The following MND1 variants were observed in gnomAD, a reference collection of about 807,000 sequenced individuals.
MND1 encodes meiotic nuclear division protein 1 homolog.
Under a neutral mutation model 35.1 loss-of-function variants are expected in MND1, and 28 were observed. The observed-to-expected ratio is 0.80, with a 90% CI of 0.59 to 1.09. The LOEUF (loss-of-function observed/expected upper bound fraction) is 1.09. Ranked by LOEUF, MND1 falls within the 50% of genes least tolerant of loss-of-function variation. The pLI is 0.00. For missense variants in MND1, 213 were observed against 239.6 expected (o/e 0.89, Z 0.73); for synonymous variants, 69 against 70.5 (o/e 0.98, Z 0.11).
At chr4:153,388,054 G>A (rs1286119795) in intron 4 of MND1, among the ~76,000 whole-genome samples, 1 of 152,058 alleles carries the variant, frequency 6.6e-6, no homozygotes, top group Non-Finnish European at 1.5e-5. Flanking sequence ...ATTATTCTGT[G>A]TCTTATGAAT....
chr4:153,386,535 G>A (rs920191667), intron 4 of MND1, among the ~76,000 whole-genome samples: 7 of 151,906 alleles, frequency 4.6e-5, no homozygotes, highest in African/African-American at 7.3e-5. Flanking sequence ...GACCAACATC[G>A]TGAAACCCTA....
intron 2 of MND1, among the ~76,000 whole-genome samples, chr4:153,354,785 A>G (rs538349400): frequency 1.3e-5 from 2 of 152,130 alleles, no homozygotes; most frequent in Admixed American, 6.5e-5. Context: ...TAGACAGGAG[A>G]CACCATGACT....
At chr4:153,350,758 A>G (rs1409775486) in intron 2 of MND1, among the ~76,000 whole-genome samples, 15 of 152,268 alleles carry the variant, frequency 9.9e-5, no homozygotes, top group Admixed American at 9.2e-4. Context: ...CTATGTCTTC[A>G]GGTTAAAGGC....
chr4:153,370,287 A>C (rs1050530438), intron 4 of MND1, among the ~76,000 whole-genome samples: 1 of 152,030 alleles, frequency 6.6e-6, no homozygotes, highest in Non-Finnish European at 1.5e-5. Flanking sequence ...ATCTCAAAAA[A>C]AGAAGCAATT....
intron 7 of MND1, chr4:153,409,222 T>C (rs886275074): frequency 3.9e-5 from 8 of 206,466 alleles, no homozygotes; most frequent in Non-Finnish European, 6.1e-5. Flanking sequence ...AAGCATAAGA[T>C]ATTTTTGTAA....
At chr4:153,400,401 CTTT>C (rs1337744235) in intron 6 of MND1, among the ~76,000 whole-genome samples, 1 of 151,910 alleles carries the variant, frequency 6.6e-6, no homozygotes, top group Non-Finnish European at 1.5e-5. Context: ...AGATTATCAT[CTTT>C]TTTGCAGGCA....
intron 2 of MND1, among the ~76,000 whole-genome samples, chr4:153,353,060 T>C (rs1488424504): frequency 6.6e-6 from 1 of 152,184 alleles, no homozygotes; most frequent in Non-Finnish European, 1.5e-5. Flanking sequence ...CATGTTCTTT[T>C]TCTAGGGAAT....
chr4:153,348,864 A>G (rs1056431714), intron 1 of MND1, among the ~76,000 whole-genome samples: 2 of 152,226 alleles, frequency 1.3e-5, no homozygotes, highest in Non-Finnish European at 2.9e-5. Flanking sequence ...TCCAGTATGT[A>G]GCCAGAATGG....
intron 2 of MND1, among the ~76,000 whole-genome samples, chr4:153,351,256 T>C (rs1378970142): frequency 6.6e-6 from 1 of 152,198 alleles, no homozygotes; most frequent in Non-Finnish European, 1.5e-5. Flanking sequence ...AATATAAAAA[T>C]TGGCTGTTTC....
chr4:153,350,587 A>G (rs1277588807), intron 2 of MND1, among the ~76,000 whole-genome samples: 1 of 152,188 alleles, frequency 6.6e-6, no homozygotes, highest in Non-Finnish European at 1.5e-5. Context: ...CACACAGTCG[A>G]TGGTACAGAG....
chr4:153,350,557 T>G (rs1183314316), intron 2 of MND1, among the ~76,000 whole-genome samples: 1 of 152,242 alleles, frequency 6.6e-6, no homozygotes, highest in Non-Finnish European at 1.5e-5. Context: ...CTTTGCATTT[T>G]AAGTCTGTCT....
At chr4:153,355,290 C>T (rs1365153329) in intron 2 of MND1, among the ~76,000 whole-genome samples, 1 of 152,114 alleles carries the variant, frequency 6.6e-6, no homozygotes, top group Non-Finnish European at 1.5e-5. Flanking sequence ...TTCTATTATA[C>T]TGTTCATTTC....
At chr4:153,371,418 C>T (rs1172724683) in intron 4 of MND1, among the ~76,000 whole-genome samples, 1 of 152,090 alleles carries the variant, frequency 6.6e-6, no homozygotes, top group East Asian at 1.9e-4. Context: ...TTTGTCTACC[C>T]TGAAAATTTT....
chr4:153,349,923 T>G, intron 1 of MND1, 141 bp from the exon 2 acceptor site: 1 of 567,190 alleles, frequency 1.8e-6, no homozygotes. Flanking sequence ...GTAATTAAAA[T>G]GAGTCTTTAG....
rs985205591 is a variant in MND1, at chr4:153,401,739, G to T, written c.466+4406G>T. Among the ~76,000 whole-genome samples the T allele has an allele frequency of 2.0e-5, 3 of 152,164 alleles. No individual in the cohort carries two copies. The East Asian group carries it at 5.8e-4, about 29-fold the overall frequency. On this transcript the variant is annotated intron_variant, in intron 6 of 7. Coordinates refer to ENST00000240488, the MANE Select transcript of MND1 (RefSeq NM_032117.4). Reference sequence around the variant, plus strand: ...ATTGCTCAGGCTTATCTCTAAGTCTGTCATGATTTATTCAGAGAACAATTT... The same window carrying T: ...ATTGCTCAGGCTTATCTCTAAGTCTTTCATGATTTATTCAGAGAACAATTT...
rs187182140 is a variant in MND1 at position 153,399,653 on chromosome 4, A to G, written c.466+2320A>G. 2.0e-3 allele frequency among the ~76,000 whole-genome samples: 303 copies of G among 152,316 alleles called. 2 individuals are homozygous for G. The Middle Eastern group carries it at 0.034, about 17-fold the overall frequency. Reference sequence around the variant, plus strand: ...AAACTTCAGAAAAGAAGTTCAGGGTATACAAAGGACGGTGAACTTTCTGGA... The same window carrying G: ...AAACTTCAGAAAAGAAGTTCAGGGTGTACAAAGGACGGTGAACTTTCTGGA... On this transcript the variant is annotated intron_variant, in intron 6 of 7. Coordinates refer to ENST00000240488, the MANE Select transcript of MND1 (RefSeq NM_032117.4).
intron 2 of MND1, among the ~76,000 whole-genome samples, chr4:153,353,256 C>A (rs991844887): frequency 6.6e-6 from 1 of 151,316 alleles, no homozygotes; most frequent in East Asian, 1.9e-4. Context: ...CCTAAATTTG[C>A]GAACTCTTAG....
At chr4:153,344,973 T>C (rs1326405023) in intron 1 of MND1, among the ~76,000 whole-genome samples, 1 of 152,060 alleles carries the variant, frequency 6.6e-6, no homozygotes, top group African/African-American at 2.4e-5. Context: ...CGCGGGGGCA[T>C]CCGCGGCCTC....
At chr4:153,345,720 G>T (rs922694143) in intron 1 of MND1, among the ~76,000 whole-genome samples, 12 of 151,998 alleles carry the variant, frequency 7.9e-5, no homozygotes, top group African/African-American at 2.9e-4. Flanking sequence ...CAGTTGTATG[G>T]TATTTATTTG....
Sources: allele counts gnomAD v4.1 joint callset (sites outside exome capture counted in the v4.1 genomes callset), GRCh38; gene constraint gnomAD v4.1.1; transcripts MANE v1.5; gene names NCBI Gene and HGNC (gene_info 2026-07-23, HGNC 2026-07-21).